SLC36A1: variants seen among roughly 807,000 people sequenced by gnomAD.
SLC36A1 encodes the protein solute carrier family 36 member 1, also known as proton-coupled amino acid transporter 1.
In SLC36A1, 30 loss-of-function variants were observed where a neutral mutation model predicts 47.5. The ratio of observed to expected loss-of-function variants is 0.63; its 90% confidence interval spans 0.47 to 0.86. SLC36A1 has a LOEUF of 0.86. SLC36A1 is among the 40% of genes least tolerant of loss of function. The pLI is 0.00. For synonymous variants in SLC36A1, 255 were observed against 249.7 expected, an observed-to-expected ratio of 1.02 and a Z score of -0.20; for missense variants, 517 against 606.0, an observed-to-expected ratio of 0.85 and a Z score of 1.54.
the SLC36A1 span, chr5:151,414,907 T>A: frequency 6.6e-6 from 1 of 152,218 alleles, no homozygotes; most frequent in Non-Finnish European, 1.5e-5. Flanking sequence ...GATAGAAGCC[T>A]GGCTTGTAGC....
the SLC36A1 span, among the ~76,000 whole-genome samples, chr5:151,423,626 G>T: frequency 6.6e-6 from 1 of 152,178 alleles, no homozygotes; most frequent in African/African-American, 2.4e-5. Context: ...GGTGGCCAGG[G>T]GTTGTGGGAG....
chr5:151,451,018 C>A (rs963707435), intron 1 of SLC36A1: 2 of 152,180 alleles, frequency 1.3e-5, no homozygotes, highest in African/African-American at 4.8e-5. Flanking sequence ...TTTGGCCAGG[C>A]CTTACTGTGA....
chr5:151,520,057 AAC>A, the SLC36A1 span, among the ~76,000 whole-genome samples: 1 of 152,248 alleles, frequency 6.6e-6, no homozygotes, highest in South Asian at 2.1e-4. Context: ...TGGGGCAAGA[AAC>A]ACAGAGAAGG....
At chr5:151,353,818 C>T in the SLC36A1 span, among the ~76,000 whole-genome samples, 3,556 of 152,234 alleles carry the variant, frequency 0.023, 129 homozygotes, top group African/African-American at 0.076. Context: ...ACATACAGAC[C>T]GTAGCCTTAC....
the SLC36A1 span, among the ~76,000 whole-genome samples, chr5:151,500,756 C>T: frequency 6.6e-6 from 1 of 152,204 alleles, no homozygotes; most frequent in East Asian, 1.9e-4. Context: ...TAAAAGGAGG[C>T]AGTAGAGGTG....
At chr5:151,546,127 A>G in the SLC36A1 span, 1 of 1,614,186 alleles carries the variant, frequency 6.2e-7, no homozygotes, top group Non-Finnish European at 8.5e-7. Context: ...AGGGATCTCT[A>G]CAAAGTACTC....
chr5:151,387,934 C>T, the SLC36A1 span, among the ~76,000 whole-genome samples: 1 of 152,160 alleles, frequency 6.6e-6, no homozygotes. Flanking sequence ...TGCTTTTGGA[C>T]CTGACACTGG....
At chr5:151,411,250 A>G in the SLC36A1 span, among the ~76,000 whole-genome samples, 4 of 144,526 alleles carry the variant, frequency 2.8e-5, 1 homozygote, top group African/African-American at 1.0e-4. Context: ...AAGGAGAAAT[A>G]TTTACTCCCG....
chr5:151,502,309 CA>C, the SLC36A1 span, among the ~76,000 whole-genome samples: 185 of 126,680 alleles, frequency 1.5e-3, 1 homozygote, highest in Middle Eastern at 3.8e-3. Flanking sequence ...GAGACTCTGT[CA>C]AAAAAAAAAA....
At chr5:151,477,166 C>T (rs981083199) in intron 9 of SLC36A1, among the ~76,000 whole-genome samples, 3 of 152,212 alleles carry the variant, frequency 2.0e-5, no homozygotes, top group East Asian at 1.9e-4. Context: ...CACTGTGAGC[C>T]GGGGATTGTT....
At chr5:151,517,469 C>A in the SLC36A1 span, 32 of 945,926 alleles carry the variant, frequency 3.4e-5, no homozygotes, top group South Asian at 5.2e-4. Context: ...ACAGGATAAT[C>A]ATGTGGCCCA....
rs1756048926 is a variant in SLC36A1 at position 151,464,526 on chromosome 5, A to G, written c.247A>G (p.Ser83Gly). 6.2e-7 allele frequency: 1 copy of G among 1,613,822 alleles called. No individual in the cohort carries two copies. The stretch of plus-strand genomic sequence containing the variant: ...TATCTGTCCCCAGATGGGTCCCATC[A>G]GCCTGCTGATCATAGGCATCGTGGC... The part of the protein sequence containing the change: ...KNAGIVMGPI[S>G]LLIIGIVAVH... The change falls in exon 4 of 11, where the codon AGC becomes GGC. Residue 83 changes from serine to glycine, a missense_variant. Physicochemically the swap from Ser to Gly is moderately conservative, Grantham distance 56. Transcript: ENST00000243389.
downstream of SLC36A1, among the ~76,000 whole-genome samples, chr5:151,492,738 T>C (rs1481621835): frequency 6.6e-6 from 1 of 152,240 alleles, no homozygotes. Flanking sequence ...GCTGCGAAGG[T>C]ATTTTGTAAA....
Position 151,467,717 on chromosome 5 carries a change from C to T in SLC36A1, c.515C>T (p.Ala172Val), listed in dbSNP as rs943359511. 30 of 1,613,704 alleles carry T rather than the reference C, an allele frequency of 1.9e-5. No homozygotes were observed. The highest frequency in any genetic ancestry group is 1.6e-4 in the Middle Eastern group (1 of 6,064). ...TTCCCCTCATTCTAGGTGATAGAAG[C>T]GGCCAATGGGACCACCAATAACTGC... ...LADNFKQVIE[A>V]ANGTTNNCHN... Residue 172 changes from alanine (A) to valine (V), a missense_variant, in exon 7 of 11, where the codon GCG becomes GTG. Physicochemically the swap from Ala to Val is moderately conservative, Grantham distance 64 (BLOSUM62 0). Coordinates refer to ENST00000243389, the MANE Select transcript of SLC36A1 (RefSeq NM_078483.4).
the SLC36A1 span, among the ~76,000 whole-genome samples, chr5:151,357,930 T>A: frequency 1.4e-3 from 220 of 152,342 alleles, 7 homozygotes; most frequent in South Asian, 0.043. Flanking sequence ...GAATGATTCA[T>A]GAATTAGGCA....
chr5:151,370,498 C>T, the SLC36A1 span, among the ~76,000 whole-genome samples: 1 of 152,096 alleles, frequency 6.6e-6, no homozygotes, highest in African/African-American at 2.4e-5. Flanking sequence ...CCCAGATACA[C>T]CACTTCCTCA....
At chr5:151,355,094 A>G in the SLC36A1 span, among the ~76,000 whole-genome samples, 2 of 152,226 alleles carry the variant, frequency 1.3e-5, no homozygotes, top group South Asian at 2.1e-4. Context: ...CTCGCTGCTT[A>G]TAGAAAGAAA....
At chr5:151,408,205 T>G in the SLC36A1 span, among the ~76,000 whole-genome samples, 1 of 152,220 alleles carries the variant, frequency 6.6e-6, no homozygotes, top group Non-Finnish European at 1.5e-5. Flanking sequence ...TTGTTGTTTT[T>G]TGAGACGGAG....
the SLC36A1 span, chr5:151,549,562 G>T: frequency 6.7e-7 from 1 of 1,499,632 alleles, no homozygotes; most frequent in Non-Finnish European, 9.3e-7. Context: ...AGGAGGCAGG[G>T]TTAGGGTAAG....
Sources: gnomAD v4.1 joint callset for allele counts (sites outside exome capture counted in the v4.1 genomes callset) on GRCh38, gnomAD v4.1.1 for gene constraint, MANE v1.5 for transcripts, NCBI Gene and HGNC (gene_info 2026-07-23, HGNC 2026-07-21) for gene names.